Variants in MYT1L observed in about 807,000 individuals in gnomAD.
MYT1L encodes the protein myelin transcription factor 1-like protein.
In MYT1L, 12 loss-of-function variants were observed where a neutral mutation model predicts 126.7. The observed-to-expected ratio is 0.09, with a 90% CI of 0.06 to 0.15. The LOEUF is 0.15. Among genes scored for constraint, MYT1L ranks in the 10% least tolerant of loss-of-function variants. The pLI, the probability that MYT1L is intolerant of heterozygous loss-of-function variation, is 1.00. For missense variants in MYT1L, 979 were observed against 1,585.2 expected (o/e 0.62, Z 6.49); for synonymous variants, 541 against 604.2 (o/e 0.90, Z 1.53).
intron 9 of MYT1L, among the ~76,000 whole-genome samples, chr2:1,932,341 T>G (rs13389573): frequency 0.29 from 43,661 of 152,112 alleles, 7,137 homozygotes; most frequent in African/African-American, 0.45. Context: ...GAGAGGGCAA[T>G]GTAGCACAAC....
intron 23 of MYT1L, among the ~76,000 whole-genome samples, chr2:1,799,198 G>A (rs1228959280): frequency 6.6e-6 from 1 of 152,216 alleles, no homozygotes. Flanking sequence ...TTTGACATCA[G>A]GTCCAAATAG....
At position 2,228,729 on chromosome 2, in the gene MYT1L, T is replaced by C. The variant is rs1222526373; in HGVS notation, c.-421+55675A>G. ...ACCTTAATATTACAGAGAAGAGCTATAAATACACTATTTCATGTTCCCCCA... is the reference window on the plus strand; with the variant it reads ...ACCTTAATATTACAGAGAAGAGCTACAAATACACTATTTCATGTTCCCCCA... On this transcript the variant is annotated intron_variant, in intron 2 of 24. Transcript: ENST00000647738. The surrounding 1 kb of genome is among the most constrained non-coding windows in gnomAD (Gnocchi z 5.9). 6.6e-6 allele frequency among the ~76,000 whole-genome samples: 1 copy of C among 152,188 alleles called. No homozygotes were observed. Among genetic ancestry groups the C allele is most frequent in the Admixed American group, 6.5e-5 (1 of 15,278 alleles).
chr2:2,102,776 C>T (rs1575171802), intron 3 of MYT1L, among the ~76,000 whole-genome samples: 2 of 152,156 alleles, frequency 1.3e-5, no homozygotes, highest in South Asian at 4.2e-4. Context: ...TTTCCTGCAT[C>T]TCGGTAGCAC....
intron 5 of MYT1L, among the ~76,000 whole-genome samples, chr2:1,986,914 G>A (rs1334841449): frequency 6.6e-6 from 1 of 152,178 alleles, no homozygotes; most frequent in African/African-American, 2.4e-5. Context: ...ATCAAGGAAT[G>A]GCTGGGCAGG....
intron 4 of MYT1L, among the ~76,000 whole-genome samples, chr2:2,010,051 A>G (rs2063682255): frequency 1.3e-5 from 2 of 152,122 alleles, no homozygotes. Context: ...CCAGCCTCCC[A>G]TTGCATTTTA....
At chr2:1,909,139 A>C (rs1030846843) in intron 13 of MYT1L, among the ~76,000 whole-genome samples, 2 of 152,068 alleles carry the variant, frequency 1.3e-5, no homozygotes, top group African/African-American at 4.8e-5. Context: ...TATTTTTTTG[A>C]GACAGGTTCT....
At chr2:1,932,071 C>T (rs936870517) in intron 9 of MYT1L, among the ~76,000 whole-genome samples, 1 of 152,216 alleles carries the variant, frequency 6.6e-6, no homozygotes, top group Non-Finnish European at 1.5e-5. Context: ...ACTGCCTACA[C>T]TCCCATGGCC....
chr2:2,236,789 TC>T (rs2094324544), intron 2 of MYT1L, among the ~76,000 whole-genome samples: 3 of 18,254 alleles, frequency 1.6e-4, no homozygotes, highest in Non-Finnish European at 2.5e-4. Context: ...TTCTTCTTCT[TC>T]TTCTTCTTCT....
chr2:2,110,465 T>C (rs1184824911), intron 3 of MYT1L, among the ~76,000 whole-genome samples: 2 of 151,906 alleles, frequency 1.3e-5, no homozygotes, highest in African/African-American at 2.4e-5. Context: ...AACCTCCAAG[T>C]TTCCCAAAGC....
intron 3 of MYT1L, among the ~76,000 whole-genome samples, chr2:2,126,464 A>G (rs1412826635): frequency 2.0e-5 from 3 of 152,306 alleles, no homozygotes; most frequent in African/African-American, 7.2e-5. Flanking sequence ...TGGGGCCCAG[A>G]AAGAAGAGGG....
rs56101350 is a variant in MYT1L at position 2,079,068 on chromosome 2, A to C, written c.-303-24945T>G. 9.6e-3 allele frequency among the ~76,000 whole-genome samples: 1,465 copies of C among 152,300 alleles called. 23 individuals carry two copies. Among genetic ancestry groups the C allele is most frequent in the African/African-American group, 0.033 (1,363 of 41,542 alleles). On this transcript the variant is annotated intron_variant, in intron 3 of 24. Coordinates refer to ENST00000647738, the MANE Select transcript of MYT1L (RefSeq NM_001303052.2). ...CTATGAGGAAATGAGCCTTCACCAC[A>C]CACCCAATAATCTGGTGTCTTGATC...
rs183202838 is a variant in MYT1L, at chr2:2,248,381, G to A, written c.-421+36023C>T. On this transcript the variant is annotated intron_variant, in intron 2 of 24. Coordinates refer to ENST00000647738, the MANE Select transcript of MYT1L (RefSeq NM_001303052.2). ...CATAACAAGTAATGAGATAAAAGCC[G>A]TAGTAAAAAGTCTAGTAAAGAAAAG... 4.2e-3 allele frequency among the ~76,000 whole-genome samples: 639 copies of A among 151,980 alleles called. 3 individuals are homozygous for A. The highest frequency in any genetic ancestry group is 0.014 in the South Asian group (66 of 4,802).
chr2:2,327,443 A>G (rs960330443), intron 1 of MYT1L, among the ~76,000 whole-genome samples: 3 of 152,230 alleles, frequency 2.0e-5, no homozygotes, highest in African/African-American at 7.2e-5. Context: ...ACTCCTTTCT[A>G]AAGAATACTA....
At chr2:1,896,823 C>A (rs2049639772) in intron 14 of MYT1L, among the ~76,000 whole-genome samples, 1 of 152,194 alleles carries the variant, frequency 6.6e-6, no homozygotes, top group African/African-American at 2.4e-5. Context: ...AAAAATGCTA[C>A]CTCTATGTGA....
At chr2:2,270,813 G>T (rs958043284) in intron 2 of MYT1L, among the ~76,000 whole-genome samples, 1 of 151,956 alleles carries the variant, frequency 6.6e-6, no homozygotes, top group Non-Finnish European at 1.5e-5. Flanking sequence ...CCAGTTTGAG[G>T]CTGCAGAGAT....
At chr2:2,237,922 A>G (rs1251660694) in intron 2 of MYT1L, among the ~76,000 whole-genome samples, 4 of 152,178 alleles carry the variant, frequency 2.6e-5, no homozygotes, top group Non-Finnish European at 5.9e-5. Context: ...TGGTACTTGC[A>G]TAAGGTAAAG....
intron 4 of MYT1L, among the ~76,000 whole-genome samples, chr2:2,008,988 C>T (rs1049764671): frequency 2.0e-5 from 3 of 151,956 alleles, no homozygotes; most frequent in Admixed American, 1.3e-4. Context: ...AAATTAGTTG[C>T]GCATATTTGT....
chr2:1,810,921 C>A (rs1252918900), intron 21 of MYT1L, among the ~76,000 whole-genome samples: 1 of 152,052 alleles, frequency 6.6e-6, no homozygotes, highest in Non-Finnish European at 1.5e-5. Context: ...CTGACTGTGT[C>A]CCCTGAAAAC....
intron 2 of MYT1L, among the ~76,000 whole-genome samples, chr2:2,255,684 A>G (rs909379520): frequency 5.1e-4 from 77 of 152,186 alleles, no homozygotes; most frequent in Non-Finnish European, 1.9e-4. Flanking sequence ...TTTGTCGCAC[A>G]TACCCGTGTG....
Sources: gnomAD v4.1 joint callset for allele counts (sites outside exome capture counted in the v4.1 genomes callset) on GRCh38, gnomAD v4.1.1 for gene constraint, Gnocchi (gnomAD v3.1) non-coding constraint, MANE v1.5 for transcripts, NCBI Gene and HGNC (gene_info 2026-07-23, HGNC 2026-07-21) for gene names.